Variants in SLC35D4 observed in about 807,000 individuals in gnomAD.
The protein encoded by SLC35D4 is UDP-N-acetylglucosamine transporter SLC35D4.
the SLC35D4 span, among the ~76,000 whole-genome samples, chr18:23,262,463 T>A: frequency 1.3e-5 from 2 of 152,366 alleles, no homozygotes; most frequent in East Asian, 3.9e-4. Flanking sequence ...AGCTGTGACC[T>A]TGGGGACATC....
At chr18:23,376,556 G>T in the SLC35D4 span, among the ~76,000 whole-genome samples, 1 of 152,238 alleles carries the variant, frequency 6.6e-6, no homozygotes, top group Admixed American at 6.5e-5. Flanking sequence ...AGTGGGGTGA[G>T]TGGAGAAGAG....
the SLC35D4 span, among the ~76,000 whole-genome samples, chr18:23,395,779 C>T: frequency 6.6e-6 from 1 of 152,342 alleles, no homozygotes; most frequent in African/African-American, 2.4e-5. Flanking sequence ...AAGACTGACA[C>T]TCACCCATCA....
At chr18:23,246,452 CAA>C in the SLC35D4 span, among the ~76,000 whole-genome samples, 39 of 152,024 alleles carry the variant, frequency 2.6e-4, 1 homozygote, top group Admixed American at 2.5e-3. Context: ...AGTGCAGTGG[CAA>C]GATCTTGGCT....
At chr18:23,437,640 A>G in the SLC35D4 span, 1 of 821,908 alleles carries the variant, frequency 1.2e-6, no homozygotes, top group Admixed American at 2.7e-5. Flanking sequence ...CATCCCACAC[A>G]CGGAGGAGGT....
chr18:23,408,320 C>T, the SLC35D4 span, among the ~76,000 whole-genome samples: 1 of 152,200 alleles, frequency 6.6e-6, no homozygotes, highest in Non-Finnish European at 1.5e-5. Flanking sequence ...GTTTTGCTCC[C>T]TGCACATCTC....
the SLC35D4 span, among the ~76,000 whole-genome samples, chr18:23,321,445 T>C: frequency 6.6e-6 from 1 of 152,124 alleles, no homozygotes; most frequent in Middle Eastern, 3.4e-3. Context: ...GATACCATCA[T>C]GACACAAAGT....
chr18:23,387,953 G>A, the SLC35D4 span, among the ~76,000 whole-genome samples: 63 of 151,940 alleles, frequency 4.1e-4, no homozygotes, highest in African/African-American at 1.5e-3. Flanking sequence ...CCCATGTTTG[G>A]CAAACTTGGG....
chr18:23,324,332 A>T, the SLC35D4 span, among the ~76,000 whole-genome samples: 7 of 152,172 alleles, frequency 4.6e-5, no homozygotes, highest in Admixed American at 4.6e-4. Flanking sequence ...CTATTGTGTA[A>T]GCCACCCAGT....
the SLC35D4 span, among the ~76,000 whole-genome samples, chr18:23,400,368 A>G: frequency 1.7e-4 from 26 of 152,204 alleles, no homozygotes; most frequent in African/African-American, 6.0e-4. Context: ...TCAGGCCTGT[A>G]ATCCCAGCAC....
the SLC35D4 span, among the ~76,000 whole-genome samples, chr18:23,340,137 A>T: frequency 6.6e-6 from 1 of 152,100 alleles, no homozygotes; most frequent in Admixed American, 6.6e-5. Context: ...AACTGTAAGA[A>T]TCTAGTGCTT....
chr18:23,314,116 A>G, the SLC35D4 span, among the ~76,000 whole-genome samples: 1 of 152,222 alleles, frequency 6.6e-6, no homozygotes. Flanking sequence ...AGCACCCACC[A>G]GCTGCACCTT....
chr18:23,385,898 G>A, the SLC35D4 span, among the ~76,000 whole-genome samples: 5 of 152,032 alleles, frequency 3.3e-5, no homozygotes, highest in African/African-American at 9.7e-5. Context: ...TTGGGAGGCC[G>A]AGAAGAGTGA....
At chr18:23,278,620 G>A in the SLC35D4 span, among the ~76,000 whole-genome samples, 9 of 152,226 alleles carry the variant, frequency 5.9e-5, no homozygotes, top group African/African-American at 1.4e-4. Flanking sequence ...TGTCATTTCC[G>A]ACAGGTGCTG....
chr18:23,314,235 G>A, the SLC35D4 span, among the ~76,000 whole-genome samples: 1,299 of 152,288 alleles, frequency 8.5e-3, 10 homozygotes, highest in African/African-American at 0.025. Context: ...TCAGAAATGC[G>A]TGCAAAAGGC....
the SLC35D4 span, among the ~76,000 whole-genome samples, chr18:23,400,233 C>T: frequency 6.6e-6 from 1 of 152,196 alleles, no homozygotes; most frequent in African/African-American, 2.4e-5. Context: ...AGCCACACCA[C>T]GAACTGCTTT....
the SLC35D4 span, among the ~76,000 whole-genome samples, chr18:23,291,482 C>T: frequency 1.3e-5 from 2 of 152,238 alleles, no homozygotes; most frequent in African/African-American, 4.8e-5. Context: ...GATTCTTCTG[C>T]CCCATGTGGC....
chr18:23,365,753 T>C, the SLC35D4 span: 8 of 1,521,000 alleles, frequency 5.3e-6, no homozygotes, highest in Non-Finnish European at 9.0e-7. Context: ...TTGGAAATAG[T>C]TAAATATGCC....
the SLC35D4 span, among the ~76,000 whole-genome samples, chr18:23,421,128 C>A: frequency 6.6e-6 from 1 of 151,986 alleles, no homozygotes; most frequent in Admixed American, 6.6e-5. Flanking sequence ...CCTGTAATCC[C>A]AGCTACTTAG....
At chr18:23,361,461 TC>T in the SLC35D4 span, among the ~76,000 whole-genome samples, 4 of 152,100 alleles carry the variant, frequency 2.6e-5, no homozygotes, top group African/African-American at 9.7e-5. Flanking sequence ...GTAGTCCTGC[TC>T]CCTTACAGCA....
Sources: gnomAD v4.1 joint callset for allele counts (sites outside exome capture counted in the v4.1 genomes callset) on GRCh38, gnomAD v4.1.1 for gene constraint, MANE v1.5 for transcripts, NCBI Gene and HGNC (gene_info 2026-07-23, HGNC 2026-07-21) for gene names.